Variants in CPVL observed in about 807,000 individuals in gnomAD.
CPVL encodes the protein probable serine carboxypeptidase CPVL.
A neutral mutation model predicts 63.7 loss-of-function variants in CPVL; 51 were observed. That is an observed-to-expected ratio of 0.80 (90% CI 0.64 to 1.01). The LOEUF (loss-of-function observed/expected upper bound fraction) is 1.01. Ranked by LOEUF, CPVL falls within the 50% of genes least tolerant of loss-of-function variation. CPVL has a pLI of 0.00. For synonymous variants in CPVL, 195 were observed against 206.0 expected (o/e 0.95, Z 0.46); for missense variants, 530 against 573.1 (o/e 0.92, Z 0.77).
intron 5 of CPVL, among the ~76,000 whole-genome samples, chr7:29,173,774 CAA>C (rs764330313): frequency 1.7e-4 from 20 of 120,142 alleles, no homozygotes; most frequent in African/African-American, 2.2e-4. Context: ...CTGTCTCTAC[CAA>C]AAAAAAAAAA....
chr7:29,099,289 G>A (rs1786811485), intron 3 of CPVL, among the ~76,000 whole-genome samples: 1 of 152,076 alleles, frequency 6.6e-6, no homozygotes, highest in African/African-American at 2.4e-5. Context: ...AGGAAAGTGG[G>A]CTGTGTGGTG....
At chr7:29,190,484 T>C (rs1299518468) in intron 1 of CPVL, among the ~76,000 whole-genome samples, 1 of 152,214 alleles carries the variant, frequency 6.6e-6, no homozygotes, top group Non-Finnish European at 1.5e-5. Context: ...CAGTGCTTTC[T>C]TGTCTGCTTT....
chr7:29,150,557 C>G (rs1391729029), upstream of CPVL, among the ~76,000 whole-genome samples: 4 of 152,206 alleles, frequency 2.6e-5, no homozygotes, highest in African/African-American at 9.6e-5. Context: ...GAGAATAGAT[C>G]ATTTACACAT....
At chr7:29,183,373 C>T (rs958715825) in intron 4 of CPVL, among the ~76,000 whole-genome samples, 4 of 150,374 alleles carry the variant, frequency 2.7e-5, no homozygotes, top group Admixed American at 1.3e-4. Context: ...TGTGAGCCAC[C>T]GTGCCTAGCC....
intron 2 of CPVL, among the ~76,000 whole-genome samples, chr7:29,119,021 C>G (rs1332002914): frequency 1.3e-5 from 2 of 152,156 alleles, no homozygotes; most frequent in Non-Finnish European, 2.9e-5. Context: ...TGTTAAAGAC[C>G]CTTCCTGGAC....
intron 4 of CPVL, among the ~76,000 whole-genome samples, chr7:29,183,135 A>G (rs1187405330): frequency 1.5e-5 from 2 of 135,998 alleles, no homozygotes; most frequent in Non-Finnish European, 3.1e-5. Flanking sequence ...CCTAGGCTGG[A>G]GTGCAACGGC....
chr7:29,013,258 G>A (rs888558737), intron 12 of CPVL: 17 of 152,254 alleles, frequency 1.1e-4, no homozygotes, highest in African/African-American at 4.1e-4. Flanking sequence ...ACTCCCAGCT[G>A]AATGCAGCTG....
intron 12 of CPVL, among the ~76,000 whole-genome samples, chr7:29,005,409 A>G (rs1785094043): frequency 6.6e-6 from 1 of 152,210 alleles, no homozygotes; most frequent in Admixed American, 6.5e-5. Context: ...AGTCTTCAGA[A>G]GGGGAAATGT....
intron 12 of CPVL, among the ~76,000 whole-genome samples, chr7:28,999,354 TCTAA>T (rs1210713269): frequency 6.6e-6 from 1 of 152,242 alleles, no homozygotes; most frequent in African/African-American, 2.4e-5. Context: ...AATTTGCATA[TCTAA>T]CAATTCCAAA....
At chr7:29,121,626 C>T (rs1789380084) in intron 1 of CPVL, among the ~76,000 whole-genome samples, 1 of 152,146 alleles carries the variant, frequency 6.6e-6, no homozygotes, top group Non-Finnish European at 1.5e-5. Context: ...ACAGAAAGGC[C>T]TTATCCAAGT....
intron 5 of CPVL, among the ~76,000 whole-genome samples, chr7:29,166,068 A>G (rs1032666544): frequency 1.3e-5 from 2 of 151,988 alleles, no homozygotes; most frequent in African/African-American, 4.8e-5. Context: ...GTCTCACTCT[A>G]TGCCTAGGCT....
chr7:29,018,908 T>C (rs1786682416), intron 12 of CPVL, among the ~76,000 whole-genome samples: 1 of 152,176 alleles, frequency 6.6e-6, no homozygotes. Flanking sequence ...GACCCAGAGA[T>C]AACACTTGTA....
intron 7 of CPVL, chr7:29,082,233 G>C (rs1229934504): frequency 6.6e-6 from 1 of 152,108 alleles, no homozygotes; most frequent in Admixed American, 6.5e-5. Flanking sequence ...GATACTTAAA[G>C]AGTGAGTCTA....
At chr7:29,092,753 A>G in intron 5 of CPVL, 51 bp from the exon 6 acceptor site, 1 of 1,277,422 alleles carries the variant, frequency 7.8e-7, no homozygotes, top group Non-Finnish European at 1.1e-6. Flanking sequence ...CACATGCCTT[A>G]GGGACCTGCA....
chr7:29,003,187 CAG>C (rs1475523176), intron 12 of CPVL, among the ~76,000 whole-genome samples: 8,914 of 35,256 alleles, frequency 0.25, 320 homozygotes, highest in Non-Finnish European at 0.29. Flanking sequence ...CACACACACA[CAG>C]AGAGAATAGC....
intron 6 of CPVL, among the ~76,000 whole-genome samples, chr7:29,089,733 T>C (rs935010353): frequency 3.9e-5 from 6 of 152,172 alleles, no homozygotes; most frequent in Non-Finnish European, 4.4e-5. Context: ...TGGGTTTAAA[T>C]ACAACTGCAA....
At chr7:29,138,296 C>G (rs1255691777) in intron 1 of CPVL, among the ~76,000 whole-genome samples, 2 of 152,046 alleles carry the variant, frequency 1.3e-5, no homozygotes, top group Non-Finnish European at 2.9e-5. Context: ...AAAAATTAGC[C>G]AGGCTTGGTG....
chr7:29,146,945 T>G, upstream of CPVL: 1 of 1,551,130 alleles, frequency 6.4e-7, no homozygotes, highest in Middle Eastern at 1.7e-4. Flanking sequence ...TGGTCTACAT[T>G]CCAGCTGCAC....
At chr7:29,106,635 T>C (rs965983016) in intron 3 of CPVL, among the ~76,000 whole-genome samples, 1 of 151,728 alleles carries the variant, frequency 6.6e-6, no homozygotes, top group Non-Finnish European at 1.5e-5. Context: ...AGCTCTACTA[T>C]GGCAGAACAG....
Sources: gnomAD v4.1 joint callset for allele counts (sites outside exome capture counted in the v4.1 genomes callset) on GRCh38, gnomAD v4.1.1 for gene constraint, MANE v1.5 for transcripts, NCBI Gene and HGNC (gene_info 2026-07-23, HGNC 2026-07-21) for gene names.